The following GLMN variants were observed in gnomAD, a reference collection of about 807,000 sequenced individuals.
The protein encoded by GLMN is glomulin.
GLMN carries 75 observed loss-of-function variants against 87.8 expected under a neutral mutation model. The ratio of observed to expected loss-of-function variants is 0.85; its 90% CI spans 0.71 to 1.04. The LOEUF (loss-of-function observed/expected upper bound fraction) is 1.04, where lower values mean the gene tolerates loss of function less well. Among genes scored for constraint, GLMN ranks in the 50% least tolerant of loss-of-function variants. GLMN has a pLI of 0.00. For missense variants in GLMN, 588 were observed against 658.8 expected (o/e 0.89, Z 1.18); for synonymous variants, 206 against 221.6 (o/e 0.93, Z 0.63).
the GLMN span, among the ~76,000 whole-genome samples, chr1:92,311,739 A>G: frequency 1.3e-5 from 2 of 152,242 alleles, no homozygotes; most frequent in African/African-American, 4.8e-5. Flanking sequence ...CAATAAAGCA[A>G]TCATGGATTT....
intron 8 of GLMN, among the ~76,000 whole-genome samples, chr1:92,270,042 G>A (rs1211541494): frequency 6.6e-6 from 1 of 152,082 alleles, no homozygotes; most frequent in Non-Finnish European, 1.5e-5. Flanking sequence ...AAGCACACAG[G>A]GAGAACAGCA....
At chr1:92,344,998 G>C in the GLMN span, among the ~76,000 whole-genome samples, 6 of 152,132 alleles carry the variant, frequency 3.9e-5, no homozygotes, top group African/African-American at 1.4e-4. Flanking sequence ...TGACTACAGA[G>C]TTTTTTGTTG....
intron 16 of GLMN, among the ~76,000 whole-genome samples, chr1:92,255,828 C>T (rs1048322339): frequency 2.6e-5 from 4 of 152,188 alleles, no homozygotes; most frequent in East Asian, 1.9e-4. Context: ...CTAAAATCGA[C>T]GACCTAACAT....
chr1:92,247,911 C>A lies in GLMN; in HGVS notation c.1552G>T (p.Ala518Ser). ...TTTTTAATTTCTGCTTCATAATGTG[C>A]TTTTGACATATTAAGTCCTATATGA... ...PLHIGLNMSK[A>S]HYEAEIKNSQ... The change falls in exon 17 of 19, where the codon GCA becomes TCA. Residue 518 changes from alanine to serine, a missense_variant. Coordinates refer to ENST00000370360, the MANE Select transcript of GLMN (RefSeq NM_053274.3). 1 of 1,392,708 alleles carries A rather than the reference C, an allele frequency of 7.2e-7. No individual in the cohort carries two copies. Among genetic ancestry groups the A allele is most frequent in the Non-Finnish European group, 1.0e-6 (1 of 979,498 alleles). 86.3% of individuals were successfully genotyped at this position (1,392,708 alleles called of 1,614,324 possible). A position where few individuals can be genotyped will look rare whatever the true frequency, so the allele number is the denominator to read the frequency against.
chr1:92,343,423 G>C, the GLMN span, among the ~76,000 whole-genome samples: 1 of 152,116 alleles, frequency 6.6e-6, no homozygotes, highest in Non-Finnish European at 1.5e-5. Context: ...GACAGATCTG[G>C]ATATTAAACC....
the GLMN span, among the ~76,000 whole-genome samples, chr1:92,341,238 A>C: frequency 6.6e-6 from 1 of 152,112 alleles, no homozygotes. Flanking sequence ...CGAACTCCTG[A>C]GCCCAAGCAA....
the GLMN span, chr1:92,324,017 T>TTA: frequency 6.2e-7 from 1 of 1,613,930 alleles, no homozygotes; most frequent in Non-Finnish European, 8.5e-7. Flanking sequence ...AAGAGAAACT[T>TTA]ACTTAAAGTT....
intron 7 of GLMN, among the ~76,000 whole-genome samples, chr1:92,274,056 A>G (rs907979659): frequency 3.9e-5 from 6 of 152,130 alleles, no homozygotes; most frequent in Non-Finnish European, 7.4e-5. Context: ...ACCACACCAC[A>G]CTTACCAGTA....
chr1:92,275,421 C>T (rs1344863476), intron 7 of GLMN, among the ~76,000 whole-genome samples: 1 of 152,170 alleles, frequency 6.6e-6, no homozygotes, highest in East Asian at 1.9e-4. Context: ...TGCTCATAAG[C>T]CACATTATTT....
chr1:92,354,830 C>T, the GLMN span, among the ~76,000 whole-genome samples: 1 of 151,320 alleles, frequency 6.6e-6, no homozygotes, highest in South Asian at 2.1e-4. Context: ...CTTGGTTTTT[C>T]AAATTTGGGG....
intron 1 of GLMN, among the ~76,000 whole-genome samples, 163 bp downstream of exon 1, chr1:92,298,762 G>A (rs754251034): frequency 1.3e-5 from 2 of 152,144 alleles, no homozygotes; most frequent in African/African-American, 4.8e-5. Flanking sequence ...CAGCGCGCGT[G>A]CGGGCTGCAT....
chr1:92,339,744 A>G, the GLMN span, among the ~76,000 whole-genome samples: 1 of 152,266 alleles, frequency 6.6e-6, no homozygotes, highest in South Asian at 2.1e-4. Flanking sequence ...AGCCGGGCAC[A>G]GTGGCTCATG....
At chr1:92,325,548 T>C in the GLMN span, among the ~76,000 whole-genome samples, 23 of 152,158 alleles carry the variant, frequency 1.5e-4, no homozygotes, top group African/African-American at 5.3e-4. Context: ...AATTTGACTT[T>C]TAAAAATTTA....
chr1:92,256,185 T>G, intron 16 of GLMN, among the ~76,000 whole-genome samples: 1 of 151,660 alleles, frequency 6.6e-6, no homozygotes. Context: ...ATACACACCC[T>G]CCCAAGACTA....
chr1:92,285,029 G>A (rs1648562418), intron 7 of GLMN, among the ~76,000 whole-genome samples: 1 of 152,196 alleles, frequency 6.6e-6, no homozygotes, highest in African/African-American at 2.4e-5. Context: ...GTGTAAATTA[G>A]TTCAACCATT....
chr1:92,334,179 C>G, the GLMN span, among the ~76,000 whole-genome samples: 1 of 152,080 alleles, frequency 6.6e-6, no homozygotes, highest in Admixed American at 6.6e-5. Context: ...TATTTTGTAG[C>G]AGTTTGAAAA....
At chr1:92,351,571 C>G in the GLMN span, among the ~76,000 whole-genome samples, 1 of 152,102 alleles carries the variant, frequency 6.6e-6, no homozygotes, top group Admixed American at 6.6e-5. Flanking sequence ...TTACTCCTTC[C>G]CTCTTCCCTT....
chr1:92,349,001 G>A, the GLMN span, among the ~76,000 whole-genome samples: 4 of 152,190 alleles, frequency 2.6e-5, no homozygotes, highest in Non-Finnish European at 4.4e-5. Flanking sequence ...ACATGCACAC[G>A]TTATTTGTGG....
chr1:92,301,577 T>C, upstream of GLMN: 1 of 1,464,236 alleles, frequency 6.8e-7, no homozygotes, highest in Non-Finnish European at 9.4e-7. Flanking sequence ...ACAGAAGAGT[T>C]CCTAATGGAG....
Sources: allele counts gnomAD v4.1 joint callset (sites outside exome capture counted in the v4.1 genomes callset), GRCh38; gene constraint gnomAD v4.1.1; transcripts MANE v1.5; gene names NCBI Gene and HGNC (gene_info 2026-07-23, HGNC 2026-07-21).